Variants in OPCML observed in about 807,000 individuals in gnomAD.
OPCML encodes the protein opioid-binding protein/cell adhesion molecule.
In OPCML, 13 loss-of-function variants were observed where a neutral mutation model predicts 37.8. That is an observed-to-expected ratio of 0.34 (90% CI 0.22 to 0.55). OPCML has a LOEUF of 0.55. OPCML is among the 20% of genes least tolerant of loss of function. OPCML has a pLI of 0.91. For synonymous variants in OPCML, 176 were observed against 168.8 expected (o/e 1.04, Z -0.33); for missense variants, 341 against 435.6 (o/e 0.78, Z 1.93).
chr11:132,733,005 G>A (rs1945130540), intron 2 of OPCML, among the ~76,000 whole-genome samples: 1 of 152,158 alleles, frequency 6.6e-6, no homozygotes, highest in African/African-American at 2.4e-5. Flanking sequence ...ATGAGATAGA[G>A]CAGTGGGAAG....
intron 2 of OPCML, among the ~76,000 whole-genome samples, chr11:132,733,991 T>C (rs1945170193): frequency 6.6e-6 from 1 of 152,232 alleles, no homozygotes. Context: ...TGTATGACAT[T>C]GAGTAAATTA....
intron 4 of OPCML, among the ~76,000 whole-genome samples, chr11:132,439,994 A>G (rs968983886): frequency 2.0e-5 from 3 of 152,154 alleles, no homozygotes; most frequent in African/African-American, 7.2e-5. Flanking sequence ...GAATGCCAGT[A>G]GACTTAGAAA....
chr11:132,540,697 T>C (rs1440047287), intron 3 of OPCML, among the ~76,000 whole-genome samples: 2 of 152,192 alleles, frequency 1.3e-5, no homozygotes, highest in East Asian at 3.9e-4. Flanking sequence ...AACACATACA[T>C]GAATACATGC....
chr11:132,933,777 A>C (rs935325522), intron 2 of OPCML, among the ~76,000 whole-genome samples: 2 of 152,266 alleles, frequency 1.3e-5, no homozygotes, highest in Non-Finnish European at 2.9e-5. Flanking sequence ...TAAAAATGAC[A>C]ATTGGAAGAG....
intron 4 of OPCML, among the ~76,000 whole-genome samples, chr11:132,494,517 A>G (rs934625900): frequency 3.9e-5 from 6 of 152,110 alleles, no homozygotes; most frequent in African/African-American, 1.4e-4. Context: ...CTCTTTCCAG[A>G]TTGATGTCTA....
intron 2 of OPCML, among the ~76,000 whole-genome samples, chr11:132,712,873 A>C (rs1384137204): frequency 2.0e-5 from 3 of 152,242 alleles, no homozygotes; most frequent in African/African-American, 7.2e-5. Context: ...TATAAAGTAC[A>C]TTTAAAACTT....
At chr11:133,182,483 C>A (rs1421458450) in intron 1 of OPCML, among the ~76,000 whole-genome samples, 5 of 151,944 alleles carry the variant, frequency 3.3e-5, no homozygotes, top group Non-Finnish European at 5.9e-5. Flanking sequence ...GATAACATGA[C>A]AGGAAAAAAA....
chr11:133,152,667 T>C (rs188155451), intron 1 of OPCML, among the ~76,000 whole-genome samples: 1 of 152,220 alleles, frequency 6.6e-6, no homozygotes, highest in Admixed American at 6.5e-5. Context: ...CTAATGCAGG[T>C]AAATTGTAAT....
At chr11:132,478,120 T>G (rs947392925) in intron 4 of OPCML, among the ~76,000 whole-genome samples, 1 of 152,220 alleles carries the variant, frequency 6.6e-6, no homozygotes, top group African/African-American at 2.4e-5. Context: ...TATGCTAAAA[T>G]GAAGGTCAAG....
chr11:132,748,629 C>A (rs984673573), intron 2 of OPCML, among the ~76,000 whole-genome samples: 1 of 152,032 alleles, frequency 6.6e-6, no homozygotes, highest in Non-Finnish European at 1.5e-5. Context: ...GAGAGCGGTG[C>A]GAGGGAGGGG....
intron 1 of OPCML, among the ~76,000 whole-genome samples, chr11:133,497,914 G>A (rs1015574418): frequency 5.3e-5 from 8 of 152,196 alleles, no homozygotes; most frequent in African/African-American, 1.2e-4. Context: ...CAAGTGAATC[G>A]AGAGACAGTG....
rs58808691 is a variant in OPCML, at chr11:133,440,762, T to TTATATATATATATATATATA, written c.61+91501_61+91502insTATATATATATATATATATA. ...AAAAAAAAACAGAAACCTACAGCAA[T>TTATATATATATATATATATA]TATATATATATATATATATCTGTGT... On this transcript the variant is annotated intron_variant, in intron 1 of 7. Transcript: ENST00000524381. Among the ~76,000 whole-genome samples the TTATATATATATATATATATA allele has an allele frequency of 2.2e-4, 28 of 126,758 alleles. No individual in the cohort carries two copies. The East Asian group carries it at 2.4e-3, about 11-fold the overall frequency. 83.2% of individuals were successfully genotyped at this position (126,758 alleles called of 152,430 possible). A position where few individuals can be genotyped will look rare whatever the true frequency, so the allele number is the denominator to read the frequency against.
intron 2 of OPCML, among the ~76,000 whole-genome samples, chr11:132,831,780 A>G (rs1299312561): frequency 1.3e-5 from 2 of 151,094 alleles, no homozygotes; most frequent in Non-Finnish European, 2.9e-5. Flanking sequence ...AAATTTGTAT[A>G]AGCACAGAAA....
chr11:132,552,168 T>C (rs1264845635), intron 3 of OPCML, among the ~76,000 whole-genome samples: 4 of 152,230 alleles, frequency 2.6e-5, no homozygotes, highest in Non-Finnish European at 5.9e-5. Flanking sequence ...TTTCCATTTC[T>C]ATGTTCCCAA....
At chr11:133,305,229 G>T (rs749431589) in intron 1 of OPCML, among the ~76,000 whole-genome samples, 2 of 152,192 alleles carry the variant, frequency 1.3e-5, no homozygotes, top group African/African-American at 4.8e-5. Context: ...GTCTTAGAGG[G>T]ATGTAATGAA....
In OPCML at chr11:133,208,769, T is replaced by C. The variant is rs901938603; in HGVS notation, c.62-265759A>G. On this transcript the variant is annotated intron_variant, in intron 1 of 7. Coordinates refer to ENST00000524381, the MANE Select transcript of OPCML (RefSeq NM_001012393.5). The surrounding 1 kb of genome is among the most constrained non-coding windows in gnomAD (Gnocchi z 8.9). ...ACGTTATCTAAAGCAATGGCCCTTCTCTAGGACCAAAGGGATACACCAAGT... is the reference window on the plus strand; with the variant it reads ...ACGTTATCTAAAGCAATGGCCCTTCCCTAGGACCAAAGGGATACACCAAGT... 6.6e-6 allele frequency among the ~76,000 whole-genome samples: 1 copy of C among 152,170 alleles called. No individual in the cohort carries two copies. The highest frequency in any genetic ancestry group is 1.9e-4 in the East Asian group (1 of 5,182).
chr11:133,161,639 C>T (rs1366907797), intron 1 of OPCML, among the ~76,000 whole-genome samples: 1 of 152,146 alleles, frequency 6.6e-6, no homozygotes, highest in African/African-American at 2.4e-5. Flanking sequence ...TTTCCCATAA[C>T]TCACATCAAA....
In OPCML at chr11:133,174,853, G is replaced by A. The variant is rs1381111338; in HGVS notation, c.62-231843C>T. On this transcript the variant is annotated intron_variant, in intron 1 of 7. Coordinates refer to ENST00000524381, the MANE Select transcript of OPCML (RefSeq NM_001012393.5). The surrounding 1 kb of genome is among the most constrained non-coding windows in gnomAD (Gnocchi z 4.6). ...TACTTTAAAATAACCTGTAATCCCA[G>A]CACTTTGGGAGGCCAAGGCAGGAGG... Among the ~76,000 whole-genome samples the A allele has an allele frequency of 6.6e-6, 1 of 152,174 alleles. No individual in the cohort carries two copies. The highest frequency in any genetic ancestry group is 1.5e-5 in the Non-Finnish European group (1 of 68,040).
At chr11:133,397,803 C>T (rs185099638) in intron 1 of OPCML, among the ~76,000 whole-genome samples, 5 of 152,144 alleles carry the variant, frequency 3.3e-5, no homozygotes, top group African/African-American at 1.2e-4. Context: ...TAGAAAAATA[C>T]CTTCAACCCC....
Sources: allele counts gnomAD v4.1 joint callset (sites outside exome capture counted in the v4.1 genomes callset), GRCh38; gene constraint gnomAD v4.1.1; non-coding constraint Gnocchi (gnomAD v3.1); transcripts MANE v1.5; gene names NCBI Gene and HGNC (gene_info 2026-07-23, HGNC 2026-07-21).